The following BACH1 variants were observed in gnomAD, a reference collection of about 807,000 sequenced individuals.
BACH1 encodes transcription regulator protein BACH1.
In BACH1, 35 loss-of-function variants were observed where a neutral mutation model predicts 52.9. The ratio of observed to expected loss-of-function variants is 0.66; its 90% CI spans 0.51 to 0.88. The LOEUF (loss-of-function observed/expected upper bound fraction) is 0.88, where lower values mean the gene tolerates loss of function less well. Among genes scored for constraint, BACH1 ranks in the 40% least tolerant of loss-of-function variants. The probability of loss-of-function intolerance (pLI) is 0.00; values close to 1 mark genes in which losing one functional copy is unlikely to be tolerated. For missense variants in BACH1, 808 were observed against 872.6 expected, an observed-to-expected ratio of 0.93 and a Z score of 0.93; for synonymous variants, 321 against 319.6, an observed-to-expected ratio of 1.00 and a Z score of -0.05.
intron 2 of BACH1, among the ~76,000 whole-genome samples, chr21:29,322,965 G>A (rs746580698): frequency 1.3e-5 from 2 of 152,126 alleles, no homozygotes; most frequent in Admixed American, 6.5e-5. Flanking sequence ...AGTTTGATTC[G>A]TGGATTTAGG....
At chr21:29,325,675 T>C (rs1283868944) in intron 2 of BACH1, among the ~76,000 whole-genome samples, 2 of 152,218 alleles carry the variant, frequency 1.3e-5, no homozygotes, top group Admixed American at 6.5e-5. Flanking sequence ...ACAGTGGCCA[T>C]GTGGAGCTGG....
At chr21:29,325,971 A>C in intron 2 of BACH1, 88 bp from the exon 3 acceptor site, 2 of 1,252,838 alleles carry the variant, frequency 1.6e-6, no homozygotes, top group Non-Finnish European at 1.1e-6. Flanking sequence ...TAAGTTACAT[A>C]TCTCTCTATT....
At chr21:29,319,800 G>T (rs62211401) in intron 1 of BACH1, among the ~76,000 whole-genome samples, 1 of 150,792 alleles carries the variant, frequency 6.6e-6, no homozygotes, top group Non-Finnish European at 1.5e-5. Context: ...TGTGCTCTGG[G>T]CAGGGTATAG....
intron 2 of BACH1, chr21:29,359,190 G>A (rs2089256514): frequency 6.6e-6 from 1 of 151,840 alleles, no homozygotes; most frequent in African/African-American, 2.4e-5. Flanking sequence ...GCACTATATT[G>A]TATCTCTACT....
Position 29,358,612 on chromosome 21 carries a change from C to T in BACH1, c.472+28919C>T, listed in dbSNP as rs1485369999. ...AAAATTAGTTGGGTGTGGTGGAGGG[C>T]GCCTGTAATCCCAGCTACTGGGGAG... On this transcript the variant is annotated intron_variant, in intron 2 of 4. Coordinates refer to the BACH1 transcript ENST00000422809. 7.2e-5 allele frequency among the ~76,000 whole-genome samples: 11 copies of T among 151,856 alleles called. No individual in the cohort carries two copies. The South Asian group carries it at 1.0e-3, about 14-fold the overall frequency.
intron 1 of BACH1, among the ~76,000 whole-genome samples, chr21:29,319,541 T>C (rs183136647): frequency 9.2e-5 from 14 of 151,812 alleles, no homozygotes; most frequent in Non-Finnish European, 1.6e-4. Context: ...ACCAGAAAAC[T>C]GGTGAACAGT....
At chr21:29,358,802 G>GAAAGAAAGAAAGAA (rs2089253245) in intron 2 of BACH1, among the ~76,000 whole-genome samples, 1 of 129,534 alleles carries the variant, frequency 7.7e-6, no homozygotes, top group Non-Finnish European at 1.8e-5. Context: ...AAGAAAGAAA[G>GAAAGAAAGAAAGAA]AAAGAAAGAA....
chr21:29,313,705 C>T (rs553125380), intron 1 of BACH1, among the ~76,000 whole-genome samples: 23 of 152,084 alleles, frequency 1.5e-4, no homozygotes, highest in South Asian at 6.2e-4. Flanking sequence ...GAAAGAAACC[C>T]GAAGTAAGAG....
chr21:29,358,651 G>A (rs1222162343), intron 2 of BACH1, among the ~76,000 whole-genome samples: 2 of 151,806 alleles, frequency 1.3e-5, no homozygotes, highest in Non-Finnish European at 2.9e-5. Context: ...GAGGCAGGAG[G>A]ATTGCTTGAC....
intron 1 of BACH1, among the ~76,000 whole-genome samples, chr21:29,308,118 T>G (rs932350354): frequency 6.6e-6 from 1 of 152,228 alleles, no homozygotes; most frequent in African/African-American, 2.4e-5. Context: ...TTCAGCTTTA[T>G]TTATAGGCTG....
chr21:29,303,388 T>G (rs2088623633), intron 1 of BACH1, among the ~76,000 whole-genome samples: 1 of 152,246 alleles, frequency 6.6e-6, no homozygotes, highest in South Asian at 2.1e-4. Flanking sequence ...ACTCTGAATG[T>G]GCCTTGGCTG....
Position 29,326,930 on chromosome 21 carries a change from T to C in BACH1, c.1106T>C (p.Leu369Ser). The C allele has an allele frequency of 6.2e-7, 1 of 1,614,222 alleles. No homozygotes were observed. The highest frequency in any genetic ancestry group is 1.3e-5 in the African/African-American group (1 of 75,064). The change falls in exon 3 of 5, where the codon TTG becomes TCG. Residue 369 changes from leucine (L) to serine (S), a missense_variant. Physicochemically the swap from Leu to Ser is moderately radical, Grantham distance 145. Transcript: ENST00000286800. The part of the protein sequence containing the change: ...KTFGESQDLP[L>S]KSDLGTREDS... ...TTTGGTGAAAGTCAGGATTTACCTTTGAAATCCGACTTGGGCACCAGGGAA... is the reference window on the plus strand; with the variant it reads ...TTTGGTGAAAGTCAGGATTTACCTTCGAAATCCGACTTGGGCACCAGGGAA...
chr21:29,307,072 GT>G (rs1383299810), intron 1 of BACH1, among the ~76,000 whole-genome samples: 1 of 152,176 alleles, frequency 6.6e-6, no homozygotes, highest in Non-Finnish European at 1.5e-5. Context: ...CCCACCTGTG[GT>G]CTCTATGGCT....
chr21:29,309,625 C>T (rs897958869), intron 1 of BACH1, among the ~76,000 whole-genome samples: 1 of 152,116 alleles, frequency 6.6e-6, no homozygotes, highest in Non-Finnish European at 1.5e-5. Flanking sequence ...TGAAATTAGC[C>T]ATTATTTTGG....
intron 1 of BACH1, among the ~76,000 whole-genome samples, chr21:29,318,031 G>A (rs960111872): frequency 3.3e-5 from 5 of 152,112 alleles, no homozygotes; most frequent in Non-Finnish European, 5.9e-5. Flanking sequence ...TTTTCATTGC[G>A]TAGGTGATGC....
intron 2 of BACH1, among the ~76,000 whole-genome samples, chr21:29,325,456 G>A (rs2088899280): frequency 6.6e-6 from 1 of 152,114 alleles, no homozygotes; most frequent in African/African-American, 2.4e-5. Context: ...CAGTACCGAG[G>A]CATGATTTTT....
intron 2 of BACH1, among the ~76,000 whole-genome samples, chr21:29,356,676 A>G (rs942209083): frequency 6.6e-6 from 1 of 152,280 alleles, no homozygotes; most frequent in Non-Finnish European, 1.5e-5. Flanking sequence ...TAGGAAGGCT[A>G]TGGGTTGTCA....
At chr21:29,352,285 C>T (rs759460412) in intron 2 of BACH1, among the ~76,000 whole-genome samples, 44 of 152,050 alleles carry the variant, frequency 2.9e-4, no homozygotes, top group Non-Finnish European at 5.1e-4. Context: ...AACTCCTGAC[C>T]TCAAGTGATC....
chr21:29,352,710 T>A (rs1203041315), intron 2 of BACH1: 2 of 151,944 alleles, frequency 1.3e-5, no homozygotes, highest in Non-Finnish European at 2.9e-5. Flanking sequence ...TTGTTGTTGT[T>A]GTTTTTGTTT....
Sources: allele counts gnomAD v4.1 joint callset (sites outside exome capture counted in the v4.1 genomes callset), GRCh38; gene constraint gnomAD v4.1.1; transcripts MANE v1.5; gene names NCBI Gene and HGNC (gene_info 2026-07-23, HGNC 2026-07-21).